TOP2B: variants seen among roughly 807,000 people sequenced by gnomAD.
The protein encoded by TOP2B is DNA topoisomerase II beta.
A neutral mutation model predicts 193.5 loss-of-function variants in TOP2B; 51 were observed. The observed-to-expected ratio is 0.26, with a 90% CI of 0.21 to 0.33. TOP2B has a LOEUF of 0.33. TOP2B is among the 10% of genes least tolerant of loss of function. TOP2B has a pLI of 1.00. For missense variants in TOP2B, 1,378 were observed against 1,909.3 expected (o/e 0.72, Z 5.19); for synonymous variants, 634 against 635.7 (o/e 1.00, Z 0.04).
chr3:25,635,463 T>C (rs2125384659), intron 7 of TOP2B, among the ~76,000 whole-genome samples: 1 of 152,302 alleles, frequency 6.6e-6, no homozygotes, highest in South Asian at 2.1e-4. Flanking sequence ...TATGTTAAAG[T>C]ATCTAATGGA....
intron 4 of TOP2B, 120 bp downstream of exon 4, chr3:25,642,202 T>G (rs1436599063): frequency 1.9e-6 from 1 of 531,262 alleles, no homozygotes. Context: ...TAACAAAGTC[T>G]CAAACAACAG....
chr3:25,658,229 C>G (rs937657974), intron 1 of TOP2B, among the ~76,000 whole-genome samples: 2 of 151,180 alleles, frequency 1.3e-5, no homozygotes, highest in African/African-American at 4.9e-5. Flanking sequence ...GAGATTCCAT[C>G]TCAAAAAATA....
chr3:25,664,635 CG>C lies in TOP2B; in HGVS notation c.-339del. The C allele has an allele frequency of 2.0e-6, 2 of 990,386 alleles. No individual in the cohort carries two copies. Among genetic ancestry groups the C allele is most frequent in the South Asian group, 9.4e-5 (2 of 21,348 alleles). The allele number at this position is 990,386 out of a possible 1,614,324, so 61.3% of individuals were successfully genotyped here. ...CGCCGCTGCAGGCCGGGCTGAAGCC[CG>C]GGCGTGCGAGCCGCGAGGGCGGCCG... On this transcript the variant is annotated 5_prime_UTR_variant, in exon 1 of 36. Transcript: ENST00000264331.
intron 8 of TOP2B, 96 bp from the exon 9 acceptor site, chr3:25,632,890 A>G: frequency 5.8e-6 from 6 of 1,034,394 alleles, no homozygotes; most frequent in African/African-American, 1.6e-5. Flanking sequence ...TAAAAGAGTA[A>G]TAGAGTCTCA....
chr3:25,612,109 T>G (rs751207269), intron 28 of TOP2B, among the ~76,000 whole-genome samples: 36 of 151,784 alleles, frequency 2.4e-4, no homozygotes, highest in Non-Finnish European at 4.6e-4. Flanking sequence ...GCCCAGCTAA[T>G]TTTTTGTATT....
chr3:25,619,968 G>T lies in TOP2B; in HGVS notation c.2957C>A (p.Thr986Asn). ...AGTCATTTTCACCACAAATTTCACA[G>T]TTGTGTCAGTATGATATTCTTTATA... ...SDYKEYHTDT[T>N]VKFVVKMTEE... Residue 986 changes from threonine (T) to asparagine (N), a missense_variant, in exon 23 of 36, where the codon ACT becomes AAT. Thr to Asn is a moderately conservative substitution (Grantham distance 65). This residue lies in a region of TOP2B where 379 missense variants were observed against 615.1 expected (regional missense o/e 0.62). Coordinates refer to ENST00000264331, the MANE Select transcript of TOP2B (RefSeq NM_001330700.2). The T allele has an allele frequency of 6.2e-7, 1 of 1,611,254 alleles. No individual in the cohort carries two copies.
intron 21 of TOP2B, 92 bp downstream of exon 21, chr3:25,623,423 A>G: frequency 8.5e-7 from 1 of 1,177,338 alleles, no homozygotes; most frequent in Non-Finnish European, 1.2e-6. Flanking sequence ...ATGTTCTAAA[A>G]TAAAAATGTT....
chr3:25,618,546 G>A (rs1257008683), intron 24 of TOP2B, 37 bp from the exon 25 acceptor site: 4 of 1,569,054 alleles, frequency 2.5e-6, no homozygotes, highest in Non-Finnish European at 3.5e-6. Context: ...ATCAAGATAA[G>A]AGATTCAATT....
intron 8 of TOP2B, 83 bp from the exon 9 acceptor site, chr3:25,632,877 T>A (rs1046756073): frequency 2.1e-5 from 25 of 1,174,954 alleles, no homozygotes; most frequent in Admixed American, 1.1e-4. Context: ...AAACCCTATT[T>A]TCTAAAAGAG....
intron 6 of TOP2B, 38 bp downstream of exon 6, chr3:25,637,177 T>C: frequency 1.4e-6 from 2 of 1,453,620 alleles, no homozygotes; most frequent in South Asian, 2.5e-5. Context: ...TAATAAAACG[T>C]TATTTTAAAA....
chr3:25,617,248 C>T (rs1575567933), intron 25 of TOP2B, among the ~76,000 whole-genome samples: 1 of 151,772 alleles, frequency 6.6e-6, no homozygotes, highest in African/African-American at 2.4e-5. Flanking sequence ...TAGTTTAAAC[C>T]AACGGTGATA....
intron 1 of TOP2B, among the ~76,000 whole-genome samples, chr3:25,657,535 A>C (rs1045652166): frequency 3.3e-5 from 5 of 152,204 alleles, no homozygotes; most frequent in Admixed American, 6.5e-5. Flanking sequence ...ACAAACTAGC[A>C]AACTCCTATC....
intron 1 of TOP2B, among the ~76,000 whole-genome samples, chr3:25,646,391 T>G (rs1703416363): frequency 6.6e-6 from 1 of 152,156 alleles, no homozygotes; most frequent in Admixed American, 6.5e-5. Context: ...CTCTACCAGT[T>G]TCAAGGAGGC....
intron 5 of TOP2B, among the ~76,000 whole-genome samples, 185 bp from the exon 6 acceptor site, chr3:25,637,497 G>GCA (rs1703136748): frequency 6.6e-6 from 1 of 151,948 alleles, no homozygotes; most frequent in South Asian, 2.1e-4. Flanking sequence ...TTAAGATTTA[G>GCA]TATATATAGT....
Position 25,664,251 on chromosome 3 carries a change from C to G in TOP2B, c.47G>C (p.Gly16Ala). Residue 16 changes from glycine to alanine, a missense_variant, in exon 1 of 36, where the codon GGC becomes GCC. By Grantham distance (60) the Gly-to-Ala change is moderately conservative. Coordinates refer to ENST00000264331, the MANE Select transcript of TOP2B (RefSeq NM_001330700.2). The part of the protein sequence containing the change: ...GCGAGAGVGG[G>A]NGALTWVTLF... Reference sequence around the variant, plus strand: ...TACCACCCAGGTCAGTGCCCCGTTGCCGCCGCCCACGCCGGCTCCCGCGCC... The same window carrying G: ...TACCACCCAGGTCAGTGCCCCGTTGGCGCCGCCCACGCCGGCTCCCGCGCC... The G allele has an allele frequency of 2.0e-6, 3 of 1,538,102 alleles. No homozygotes were observed. Among genetic ancestry groups the G allele is most frequent in the Non-Finnish European group, 2.6e-6 (3 of 1,145,916 alleles).
Position 25,636,006 on chromosome 3 carries a change from G to A in TOP2B, c.782C>T (p.Thr261Ile), listed in dbSNP as rs376005813. The A allele has an allele frequency of 2.5e-6, 4 of 1,613,302 alleles. No individual in the cohort carries two copies. Among genetic ancestry groups the A allele is most frequent in the Non-Finnish European group, 3.4e-6 (4 of 1,179,534 alleles). ...KLDKDIVALM[T>I]RRAYDLAGSC... is the part of the protein sequence containing the mutation. ...ACCAGCCAAATCATATGCCCTTCTA[G>A]TCATGAGGGCCACAATATCCTTGTC... is the stretch of plus-strand genomic sequence containing the variant. The change falls in exon 7 of 36, where the codon ACT becomes ATT. Residue 261 changes from threonine (T) to isoleucine (I), a missense_variant. Thr to Ile is a moderately conservative substitution (Grantham distance 89, BLOSUM62 -1). Coordinates refer to ENST00000264331, the MANE Select transcript of TOP2B (RefSeq NM_001330700.2).
intron 1 of TOP2B, among the ~76,000 whole-genome samples, chr3:25,654,742 GA>G (rs1703695372): frequency 6.6e-6 from 1 of 152,126 alleles, no homozygotes; most frequent in African/African-American, 2.4e-5. Flanking sequence ...ACAGACAGAA[GA>G]GAGAGCACAG....
At chr3:25,623,873 G>T in intron 20 of TOP2B, 127 bp from the exon 21 acceptor site, 1 of 656,202 alleles carries the variant, frequency 1.5e-6, no homozygotes, top group Non-Finnish European at 2.6e-6. Flanking sequence ...TAATAATTTT[G>T]ATTACATCCG....
Position 25,652,897 on chromosome 3 carries a change from G to T in TOP2B, c.70-7427C>A, listed in dbSNP as rs530370647. 2.6e-5 allele frequency among the ~76,000 whole-genome samples: 4 copies of T among 151,762 alleles called. No homozygotes were observed. In the South Asian group the frequency reaches 8.3e-4, roughly 32 times the overall value. ...AAAAAATTAACAAAACTGACAAATC[G>T]TTAGCTAGATTACATAAGAAAAAAA... is the stretch of plus-strand genomic sequence containing the variant. On this transcript the variant is annotated intron_variant, in intron 1 of 35. Coordinates refer to ENST00000264331, the MANE Select transcript of TOP2B (RefSeq NM_001330700.2).
Sources: gnomAD v4.1 joint callset for allele counts (sites outside exome capture counted in the v4.1 genomes callset) on GRCh38, gnomAD v4.1.1 for gene constraint, gnomAD v4.1.1 regional missense constraint, MANE v1.5 for transcripts, NCBI Gene and HGNC (gene_info 2026-07-23, HGNC 2026-07-21) for gene names.